Variants in GNG2 observed in about 807,000 individuals in gnomAD.
The protein encoded by GNG2 is G protein subunit gamma 2.
A neutral mutation model predicts 5.5 loss-of-function variants in GNG2; 5 were observed. That is an observed-to-expected ratio of 0.91 (90% CI 0.48 to 1.92). The LOEUF (loss-of-function observed/expected upper bound fraction) is 1.92. Ranked by LOEUF, GNG2 falls within the 30% of genes most tolerant of loss-of-function variation. The pLI, the probability that GNG2 is intolerant of heterozygous loss-of-function variation, is 0.01. For synonymous variants in GNG2, 28 were observed against 32.0 expected, an observed-to-expected ratio of 0.88 and a Z score of 0.42; for missense variants, 55 against 88.4, an observed-to-expected ratio of 0.62 and a Z score of 1.52.
chr14:51,849,404 G>GT (rs1881805104), intron 2 of GNG2, among the ~76,000 whole-genome samples: 1 of 152,220 alleles, frequency 6.6e-6, no homozygotes, highest in Admixed American at 6.5e-5. Context: ...TTCTGACTCA[G>GT]TGTGGGAAGA....
At chr14:51,954,456 T>C (rs1444459290) in intron 3 of GNG2, among the ~76,000 whole-genome samples, 1 of 152,146 alleles carries the variant, frequency 6.6e-6, no homozygotes, top group Non-Finnish European at 1.5e-5. Flanking sequence ...GGAGGGAACA[T>C]GCACAAAAGT....
chr14:51,869,172 T>A (rs1174730950), intron 1 of GNG2, among the ~76,000 whole-genome samples: 1 of 152,224 alleles, frequency 6.6e-6, no homozygotes, highest in Non-Finnish European at 1.5e-5. Flanking sequence ...GGCATTCAGT[T>A]TGTGCTGGAT....
At chr14:51,883,721 A>G (rs1186535617) in intron 2 of GNG2, among the ~76,000 whole-genome samples, 1 of 152,206 alleles carries the variant, frequency 6.6e-6, no homozygotes, top group Non-Finnish European at 1.5e-5. Context: ...ATTAGGTGGT[A>G]ACTAGGGATA....
chr14:51,869,301 T>C (rs568556725), intron 1 of GNG2, among the ~76,000 whole-genome samples: 18 of 152,350 alleles, frequency 1.2e-4, no homozygotes, highest in Middle Eastern at 3.4e-3. Context: ...AGGAAATTGA[T>C]CGCAAGACCT....
At chr14:51,890,211 C>T (rs373012537) in intron 2 of GNG2, among the ~76,000 whole-genome samples, 1 of 152,112 alleles carries the variant, frequency 6.6e-6, no homozygotes, top group East Asian at 1.9e-4. Context: ...TGCTTTTAGC[C>T]GCTCAACTGC....
At chr14:51,845,499 A>C (rs766772312) in intron 2 of GNG2, among the ~76,000 whole-genome samples, 5 of 152,200 alleles carry the variant, frequency 3.3e-5, no homozygotes, top group Non-Finnish European at 5.9e-5. Context: ...TCAATAAATA[A>C]ATAAATATCC....
intron 2 of GNG2, among the ~76,000 whole-genome samples, chr14:51,920,010 G>A (rs1315503988): frequency 2.6e-5 from 4 of 152,090 alleles, no homozygotes; most frequent in Non-Finnish European, 5.9e-5. Flanking sequence ...TTGATTCTAG[G>A]AACCCCCTTG....
chr14:51,946,980 C>G (rs145293290), intron 2 of GNG2, among the ~76,000 whole-genome samples: 2 of 152,102 alleles, frequency 1.3e-5, no homozygotes. Flanking sequence ...AAGTGGTGCT[C>G]GACTCTGCCT....
At chr14:51,947,479 C>T (rs1274944979) in intron 2 of GNG2, among the ~76,000 whole-genome samples, 3 of 152,034 alleles carry the variant, frequency 2.0e-5, no homozygotes, top group Non-Finnish European at 4.4e-5. Context: ...AAGGGCTCCA[C>T]TCACCTTTGC....
At position 51,925,291 on chromosome 14, in the gene GNG2, A is replaced by G. The variant is rs543607442; in HGVS notation, c.-29-25359A>G. 2.0e-5 allele frequency among the ~76,000 whole-genome samples: 3 copies of G among 152,372 alleles called. No homozygotes were observed. The South Asian group carries it at 6.2e-4, about 32-fold the overall frequency. On this transcript the variant is annotated intron_variant, in intron 2 of 3. Transcript: ENST00000556766. ...ATAACACATAATACAATTAACATAT[A>G]CAATATAACATATATGTCAGTTAAA...
intron 2 of GNG2, among the ~76,000 whole-genome samples, chr14:51,884,281 GA>G (rs1306821811): frequency 1.3e-5 from 2 of 152,210 alleles, no homozygotes; most frequent in Non-Finnish European, 2.9e-5. Flanking sequence ...GTGGTAGTGA[GA>G]ACTACAGCTG....
chr14:51,858,854 A>G (rs1566647863), upstream of GNG2, among the ~76,000 whole-genome samples: 1 of 152,154 alleles, frequency 6.6e-6, no homozygotes, highest in Non-Finnish European at 1.5e-5. Context: ...AAATCAATCC[A>G]TTTTGTAATT....
intron 2 of GNG2, among the ~76,000 whole-genome samples, chr14:51,828,877 C>T: frequency 6.6e-6 from 1 of 152,180 alleles, no homozygotes; most frequent in East Asian, 1.9e-4. Context: ...AGCCCCACTA[C>T]CTCCCCGCTG....
chr14:51,875,367 A>G (rs1019066331), intron 1 of GNG2, among the ~76,000 whole-genome samples: 5 of 152,230 alleles, frequency 3.3e-5, no homozygotes, highest in African/African-American at 9.6e-5. Context: ...GTACCATTGA[A>G]TTTTGTCACA....
At chr14:51,931,217 A>G (rs1887640628) in intron 2 of GNG2, among the ~76,000 whole-genome samples, 2 of 152,208 alleles carry the variant, frequency 1.3e-5, no homozygotes, top group Admixed American at 1.3e-4. Flanking sequence ...TATATTTTGA[A>G]GGAAGAGTCC....
chr14:51,933,010 T>C (rs1363711430), intron 2 of GNG2, among the ~76,000 whole-genome samples: 1 of 152,010 alleles, frequency 6.6e-6, no homozygotes, highest in African/African-American at 2.4e-5. Flanking sequence ...TTGGAGTGAA[T>C]TGGCCAGAAG....
chr14:51,950,616 T>G, intron 2 of GNG2, 34 bp from the exon 3 acceptor site: 1 of 1,304,756 alleles, frequency 7.7e-7, no homozygotes, highest in Non-Finnish European at 1.1e-6. Context: ...TCATGAATTC[T>G]CTGGTACAAT....
chr14:51,952,797 A>C (rs1889066530), intron 3 of GNG2, among the ~76,000 whole-genome samples: 1 of 152,142 alleles, frequency 6.6e-6, no homozygotes, highest in African/African-American at 2.4e-5. Flanking sequence ...ATTCCATCTC[A>C]ATACATCTCC....
chr14:51,960,176 T>TC (rs1015127656), intron 3 of GNG2, among the ~76,000 whole-genome samples: 13 of 151,896 alleles, frequency 8.6e-5, no homozygotes, highest in Admixed American at 2.0e-4. Flanking sequence ...TTTTGTTCAT[T>TC]TTTTTTTTCA....
Sources: allele counts gnomAD v4.1 joint callset (sites outside exome capture counted in the v4.1 genomes callset), GRCh38; gene constraint gnomAD v4.1.1; transcripts MANE v1.5; gene names NCBI Gene and HGNC (gene_info 2026-07-23, HGNC 2026-07-21).